The following LRFN5 variants were observed in gnomAD, a reference collection of about 807,000 sequenced individuals.
The protein encoded by LRFN5 is leucine rich repeat and fibronectin type III domain containing 5, also known as leucine-rich repeat and fibronectin type-III domain-containing protein 5.
Under a neutral mutation model 45.6 loss-of-function variants are expected in LRFN5, and 24 were observed. The ratio of observed to expected loss-of-function variants is 0.53; its 90% CI spans 0.38 to 0.74. The LOEUF is 0.74. LRFN5 is among the 30% of genes least tolerant of loss of function. The pLI, the probability that LRFN5 is intolerant of heterozygous loss-of-function variation, is 0.00. For missense variants in LRFN5, 776 were observed against 861.5 expected, an observed-to-expected ratio of 0.90 and a Z score of 1.24; for synonymous variants, 340 against 313.8, an observed-to-expected ratio of 1.08 and a Z score of -0.88.
At chr14:41,869,097 A>G (rs922009303) in intron 2 of LRFN5, among the ~76,000 whole-genome samples, 1 of 152,320 alleles carries the variant, frequency 6.6e-6, no homozygotes, top group African/African-American at 2.4e-5. Context: ...CTTACAAGCA[A>G]CATGTTACTG....
chr14:41,759,474 CACACACACACACACACACACACACAG>C (rs1201162395), intron 1 of LRFN5, among the ~76,000 whole-genome samples: 19 of 96,352 alleles, frequency 2.0e-4, no homozygotes, highest in South Asian at 1.8e-3. Context: ...CACACACACA[CACACACACACACACACACACACACAG>C]AGAGAGCACC....
intron 2 of LRFN5, among the ~76,000 whole-genome samples, chr14:41,773,604 G>A (rs1886170364): frequency 6.6e-6 from 1 of 151,492 alleles, no homozygotes; most frequent in South Asian, 2.1e-4. Context: ...TCTCTCTGCA[G>A]ATTAATACGA....
intron 2 of LRFN5, among the ~76,000 whole-genome samples, chr14:41,827,485 A>G (rs1483531249): frequency 6.6e-6 from 1 of 152,036 alleles, no homozygotes; most frequent in African/African-American, 2.4e-5. Context: ...TATTTGCTAG[A>G]GGAAATATCA....
rs565555721 is a variant in LRFN5, at chr14:41,739,658, A to G, written c.-196-27196A>G. ...CTAATGTTATACCTCTAGCAACTAG[A>G]AAAAAAAAAACAAACTAAGCACAAA... is the stretch of plus-strand genomic sequence containing the variant. On this transcript the variant is annotated intron_variant, in intron 1 of 5. Transcript: ENST00000298119. Among the ~76,000 whole-genome samples, 5 of 142,822 alleles carry G rather than the reference A, an allele frequency of 3.5e-5. No homozygotes were observed. In the East Asian group the frequency reaches 5.9e-4, roughly 17 times the overall value. 93.7% of individuals were successfully genotyped at this position (142,822 alleles called of 152,430 possible).
intron 2 of LRFN5, among the ~76,000 whole-genome samples, chr14:41,814,528 C>A (rs776968065): frequency 1.3e-5 from 2 of 152,130 alleles, no homozygotes; most frequent in Non-Finnish European, 2.9e-5. Flanking sequence ...TTTCTTAAAT[C>A]ATATTCTGTA....
chr14:41,689,476 C>T (rs1566622232), intron 1 of LRFN5, among the ~76,000 whole-genome samples: 1 of 151,860 alleles, frequency 6.6e-6, no homozygotes, highest in Non-Finnish European at 1.5e-5. Flanking sequence ...AAAGCTTATG[C>T]AAACAAATTA....
At chr14:41,761,567 A>G (rs1230904008) in intron 1 of LRFN5, among the ~76,000 whole-genome samples, 1 of 152,154 alleles carries the variant, frequency 6.6e-6, no homozygotes, top group East Asian at 1.9e-4. Context: ...TGGTCCAAAG[A>G]ACAGAGTAGG....
At chr14:41,743,455 A>C (rs1884792479) in intron 1 of LRFN5, among the ~76,000 whole-genome samples, 1 of 152,204 alleles carries the variant, frequency 6.6e-6, no homozygotes, top group Non-Finnish European at 1.5e-5. Flanking sequence ...TTGACCAAAA[A>C]ATAAATCAAT....
intron 4 of LRFN5, chr14:41,893,024 A>G (rs1471942340): frequency 6.1e-6 from 6 of 984,760 alleles, no homozygotes; most frequent in Non-Finnish European, 7.2e-6. Flanking sequence ...TTCTCATTAT[A>G]TTTATAAGTC....
intron 1 of LRFN5, among the ~76,000 whole-genome samples, chr14:41,677,515 A>G (rs1014621330): frequency 3.3e-5 from 5 of 152,140 alleles, no homozygotes; most frequent in Non-Finnish European, 7.4e-5. Context: ...GTATAATGGA[A>G]ATGCCTCATA....
At chr14:41,614,240 C>T (rs979470786) in intron 1 of LRFN5, among the ~76,000 whole-genome samples, 4 of 152,030 alleles carry the variant, frequency 2.6e-5, no homozygotes, top group African/African-American at 7.2e-5. Flanking sequence ...CAGCATTGAA[C>T]ACTACATGAG....
intron 2 of LRFN5, among the ~76,000 whole-genome samples, chr14:41,867,344 G>T (rs1276330368): frequency 6.7e-6 from 1 of 150,000 alleles, no homozygotes; most frequent in Non-Finnish European, 1.5e-5. Context: ...TTATACATAT[G>T]CACACATCTG....
In LRFN5 at chr14:41,843,370, A is replaced by G. The variant is rs569341830; in HGVS notation, c.-20-43236A>G. On this transcript the variant is annotated intron_variant, in intron 2 of 5. Transcript: ENST00000298119. ...TAGGCTCTCGAAGTGCTGGGATTTC[A>G]TACGTGAGAAAAACATTCTTAATGA... Among the ~76,000 whole-genome samples, 7 of 152,248 alleles carry G rather than the reference A, an allele frequency of 4.6e-5. No homozygotes were observed. The South Asian group carries it at 1.2e-3, about 27-fold the overall frequency.
At chr14:41,836,588 C>T (rs975448808) in intron 2 of LRFN5, among the ~76,000 whole-genome samples, 4 of 151,974 alleles carry the variant, frequency 2.6e-5, no homozygotes, top group Admixed American at 1.3e-4. Flanking sequence ...AAGCTGAGGA[C>T]AAAAAGAAGC....
chr14:41,617,873 A>G lies in LRFN5; in HGVS notation c.-197+9311A>G, dbSNP rs76932715. The stretch of plus-strand genomic sequence containing the variant: ...AAGAATCAGAACATACTGCAATATC[A>G]TGATGGGGTGAAACTTACAGATCAT... On this transcript the variant is annotated intron_variant, in intron 1 of 5. Coordinates refer to ENST00000298119, the MANE Select transcript of LRFN5 (RefSeq NM_152447.5). Among the ~76,000 whole-genome samples, 1,309 of 152,274 alleles carry G rather than the reference A, an allele frequency of 8.6e-3. 6 individuals carry two copies. Among genetic ancestry groups the G allele is most frequent in the Non-Finnish European group, 0.014 (920 of 68,026 alleles).
intron 1 of LRFN5, among the ~76,000 whole-genome samples, chr14:41,757,610 A>G (rs1049295309): frequency 6.6e-6 from 1 of 152,170 alleles, no homozygotes; most frequent in Non-Finnish European, 1.5e-5. Context: ...TTGGAAAAGC[A>G]CAGTATTAGG....
chr14:41,793,025 C>T (rs1886985698), intron 2 of LRFN5, among the ~76,000 whole-genome samples: 1 of 151,164 alleles, frequency 6.6e-6, no homozygotes, highest in Non-Finnish European at 1.5e-5. Context: ...GGAGGGATAG[C>T]ATTGGGAGAT....
At chr14:41,688,417 T>C (rs1187250269) in intron 1 of LRFN5, among the ~76,000 whole-genome samples, 1 of 151,946 alleles carries the variant, frequency 6.6e-6, no homozygotes, top group Non-Finnish European at 1.5e-5. Flanking sequence ...TATCAAAATA[T>C]GTCATGTACC....
At chr14:41,694,240 A>T (rs547621028) in intron 1 of LRFN5, among the ~76,000 whole-genome samples, 1 of 152,114 alleles carries the variant, frequency 6.6e-6, no homozygotes, top group South Asian at 2.1e-4. Context: ...ACAGTACATT[A>T]TCATTGAATG....
Sources: gnomAD v4.1 joint callset for allele counts (sites outside exome capture counted in the v4.1 genomes callset) on GRCh38, gnomAD v4.1.1 for gene constraint, MANE v1.5 for transcripts, NCBI Gene and HGNC (gene_info 2026-07-23, HGNC 2026-07-21) for gene names.